The following LEMD1 variants were observed in gnomAD, a reference collection of about 807,000 sequenced individuals.
LEMD1 encodes LEM domain containing 1.
A neutral mutation model predicts 17.4 loss-of-function variants in LEMD1; 18 were observed. That is an observed-to-expected ratio of 1.04 (90% confidence interval 0.72 to 1.54). The LOEUF (loss-of-function observed/expected upper bound fraction) is 1.54. Ranked by LOEUF, LEMD1 falls within the 40% of genes most tolerant of loss-of-function variation. The pLI, the probability that LEMD1 is intolerant of heterozygous loss-of-function variation, is 0.00. For missense variants in LEMD1, 195 were observed against 210.4 expected, an observed-to-expected ratio of 0.93 and a Z score of 0.45; for synonymous variants, 88 against 77.8, an observed-to-expected ratio of 1.13 and a Z score of -0.69.
rs1323246309 is a variant in LEMD1 at position 205,448,886 on chromosome 1, G to A, written c.-39+982C>T. Among the ~76,000 whole-genome samples, 2 of 152,146 alleles carry A rather than the reference G, an allele frequency of 1.3e-5. No individual in the cohort carries two copies. Among genetic ancestry groups the A allele is most frequent in the Non-Finnish European group, 2.9e-5 (2 of 68,016 alleles). On this transcript the variant is annotated intron_variant, in intron 1 of 3. Transcript: ENST00000367154. This position sits in a 1 kb window ranked among gnomAD's most constrained non-coding sequence, Gnocchi z 4.7. ...GAGGGTCTGGGTAAAGGAGGGCAGC[G>A]ATGAGGACCTACCCTTTGTTTAGAG...
intron 4 of LEMD1, among the ~76,000 whole-genome samples, chr1:205,415,843 C>T (rs1665669711): frequency 6.6e-6 from 1 of 152,156 alleles, no homozygotes; most frequent in Admixed American, 6.5e-5. Flanking sequence ...GGGGTAGAAG[C>T]CAGATGTTAG....
At position 205,407,554 on chromosome 1, in the gene LEMD1, T is replaced by A. The variant is rs74141208; in HGVS notation, c.270+8678A>T. On this transcript the variant is annotated intron_variant, in intron 4 of 5. Transcript: ENST00000367153. ...GAGGGCAGCGCGCCCAGAGAAAGCA[T>A]GGAAACTCTGCGTCTCTTGCCCTAG... 9.5e-3 allele frequency among the ~76,000 whole-genome samples: 1,439 copies of A among 152,208 alleles called. 16 individuals carry two copies. The highest frequency in any genetic ancestry group is 0.033 in the African/African-American group (1,358 of 41,534).
At chr1:205,413,721 C>T (rs969641082) in intron 4 of LEMD1, among the ~76,000 whole-genome samples, 8 of 148,292 alleles carry the variant, frequency 5.4e-5, no homozygotes, top group Non-Finnish European at 7.4e-5. Context: ...TGCACAATCT[C>T]GGCTCATTGC....
intron 4 of LEMD1, among the ~76,000 whole-genome samples, chr1:205,404,767 T>G (rs1430232660): frequency 6.6e-6 from 1 of 152,076 alleles, no homozygotes; most frequent in African/African-American, 2.4e-5. Context: ...GTTATTTTGC[T>G]CGTTAGTTGA....
At chr1:205,410,265 AT>A (rs530695629) in intron 4 of LEMD1, among the ~76,000 whole-genome samples, 333 of 152,086 alleles carry the variant, frequency 2.2e-3, no homozygotes, top group African/African-American at 7.9e-3. Flanking sequence ...TCCAGAGCTC[AT>A]TTTCAAGTTT....
intron 3 of LEMD1, among the ~76,000 whole-genome samples, chr1:205,418,270 T>C (rs1195935259): frequency 6.6e-6 from 1 of 152,158 alleles, no homozygotes; most frequent in East Asian, 1.9e-4. Context: ...GATAAATATT[T>C]GTTGAATGGA....
intron 4 of LEMD1, among the ~76,000 whole-genome samples, chr1:205,408,183 A>G (rs2102404874): frequency 6.6e-6 from 1 of 152,282 alleles, no homozygotes; most frequent in South Asian, 2.1e-4. Context: ...GAAGCAATGA[A>G]TCAGCGTGGA....
At chr1:205,424,471 T>A (rs933588072), upstream of LEMD1, among the ~76,000 whole-genome samples, 3 of 152,206 alleles carry the variant, frequency 2.0e-5, no homozygotes, top group African/African-American at 7.2e-5. Context: ...ATGCTTGGCC[T>A]AAATCAAGGA....
At chr1:205,446,942 G>A (rs893616701) in intron 1 of LEMD1, among the ~76,000 whole-genome samples, 3 of 152,200 alleles carry the variant, frequency 2.0e-5, no homozygotes, top group East Asian at 1.9e-4. Context: ...CGCTCCCCCC[G>A]ACCTCCTGTG....
chr1:205,440,912 G>C (rs1306965186), intron 1 of LEMD1: 1 of 152,246 alleles, frequency 6.6e-6, no homozygotes, highest in Non-Finnish European at 1.5e-5. Flanking sequence ...TGATGGAGGG[G>C]CCCTGGTTCT....
At chr1:205,391,830 G>A (rs762961357) in intron 4 of LEMD1, among the ~76,000 whole-genome samples, 19 of 152,126 alleles carry the variant, frequency 1.2e-4, no homozygotes, top group Non-Finnish European at 2.2e-4. Context: ...CCAGAAGGCC[G>A]GGTGTGGTGG....
intron 4 of LEMD1, among the ~76,000 whole-genome samples, chr1:205,405,992 T>A (rs2102398899): frequency 6.6e-6 from 1 of 152,374 alleles, no homozygotes; most frequent in South Asian, 2.1e-4. Context: ...TGCCTGGGTA[T>A]CAGCAGCGGT....
chr1:205,437,183 T>G (rs1558742358), intron 1 of LEMD1: 1 of 152,346 alleles, frequency 6.6e-6, no homozygotes, highest in Non-Finnish European at 1.5e-5. Context: ...GTGGGGTGGT[T>G]TGATCAGCAT....
At chr1:205,424,484 G>A (rs1050576858), upstream of LEMD1, among the ~76,000 whole-genome samples, 1 of 152,162 alleles carries the variant, frequency 6.6e-6, no homozygotes, top group East Asian at 1.9e-4. Flanking sequence ...ATCAAGGAGA[G>A]GTAGAGGAGA....
intron 4 of LEMD1, 89 bp downstream of exon 4, chr1:205,416,143 G>GC: frequency 1.3e-6 from 1 of 767,706 alleles, no homozygotes; most frequent in Non-Finnish European, 2.1e-6. Context: ...GTAGTGACTT[G>GC]CTATCCCCTT....
At chr1:205,406,174 G>A (rs1465454670) in intron 4 of LEMD1, among the ~76,000 whole-genome samples, 2 of 152,206 alleles carry the variant, frequency 1.3e-5, no homozygotes, top group South Asian at 2.1e-4. Flanking sequence ...CACTTGAGGA[G>A]GCAGTCTGCC....
chr1:205,386,018 T>G (rs1477400149), intron 4 of LEMD1: 1 of 152,836 alleles, frequency 6.5e-6, no homozygotes, highest in African/African-American at 2.4e-5. Context: ...CTGGAGTGTC[T>G]GGAGGGTCCG....
chr1:205,447,340 T>C (rs879576874), intron 1 of LEMD1, among the ~76,000 whole-genome samples: 2 of 152,214 alleles, frequency 1.3e-5, no homozygotes, highest in Non-Finnish European at 2.9e-5. Flanking sequence ...ACATAGTAGG[T>C]ACCCAGTAAG....
At chr1:205,429,286 G>A (rs1666095928) in intron 1 of LEMD1, among the ~76,000 whole-genome samples, 1 of 152,234 alleles carries the variant, frequency 6.6e-6, no homozygotes, top group South Asian at 2.1e-4. Context: ...GGGTGGGTAT[G>A]TTGAACTGAA....
Sources: allele counts gnomAD v4.1 joint callset (sites outside exome capture counted in the v4.1 genomes callset), GRCh38; gene constraint gnomAD v4.1.1; non-coding constraint Gnocchi (gnomAD v3.1); transcripts MANE v1.5; gene names NCBI Gene and HGNC (gene_info 2026-07-23, HGNC 2026-07-21).